TLE3: variants seen among roughly 807,000 people sequenced by gnomAD.
TLE3 encodes transducin-like enhancer protein 3.
TLE3 carries 14 observed loss-of-function variants against 93.0 expected under a neutral mutation model. The observed-to-expected ratio is 0.15, with a 90% CI of 0.10 to 0.24. The LOEUF is 0.24. Among genes scored for constraint, TLE3 ranks in the 10% least tolerant of loss-of-function variants. The probability of loss-of-function intolerance (pLI) is 1.00; values close to 1 mark genes in which losing one functional copy is unlikely to be tolerated. For missense variants in TLE3, 693 were observed against 1,046.6 expected (o/e 0.66, Z 4.66); for synonymous variants, 451 against 425.0 (o/e 1.06, Z -0.75).
intron 13 of TLE3, 80 bp downstream of exon 13, chr15:70,057,379 C>A: frequency 6.7e-7 from 1 of 1,485,036 alleles, no homozygotes; most frequent in Non-Finnish European, 9.0e-7. Context: ...GCCCCTTTAG[C>A]ATGTGGGGAG....
chr15:70,067,008 C>G, intron 6 of TLE3: 1 of 221,358 alleles, frequency 4.5e-6, no homozygotes, highest in Non-Finnish European at 1.0e-5. Flanking sequence ...GCTCATGGCG[C>G]ACAGCTACTA....
chr15:70,082,035 C>G (rs962504098), intron 4 of TLE3, among the ~76,000 whole-genome samples: 5 of 152,190 alleles, frequency 3.3e-5, no homozygotes, highest in African/African-American at 9.7e-5. Flanking sequence ...AATCCCAGAG[C>G]TGCAGGGAAA....
intron 6 of TLE3, among the ~76,000 whole-genome samples, chr15:70,072,264 C>T (rs1280899785): frequency 1.3e-5 from 2 of 152,208 alleles, no homozygotes; most frequent in African/African-American, 4.8e-5. Context: ...GCTTCTCCCC[C>T]AGTTTTACTC....
Position 70,053,410 on chromosome 15 carries a change from G to C in TLE3, c.1827-36C>G, listed in dbSNP as rs1186020455. ...CAAGCAGGGAGGAGGGTGAGTCCCG[G>C]GAACCACAGACTGCCAGGTGGCGGC... On this transcript the variant is annotated intron_variant, in intron 16 of 19. Transcript: ENST00000451782. 7.6e-6 allele frequency: 12 copies of C among 1,578,400 alleles called. No homozygotes were observed. The South Asian group carries it at 1.2e-4, about 15-fold the overall frequency.
intron 4 of TLE3, among the ~76,000 whole-genome samples, chr15:70,077,776 CAG>C (rs1246858249): frequency 2.0e-5 from 3 of 152,244 alleles, no homozygotes; most frequent in South Asian, 2.1e-4. Flanking sequence ...TCCTCAGGAA[CAG>C]AGTCAGTGTT....
intron 19 of TLE3, chr15:70,050,745 C>A: frequency 6.3e-6 from 1 of 157,526 alleles, no homozygotes; most frequent in South Asian, 1.9e-4. Flanking sequence ...AGAGAGAATG[C>A]AAGTGTGTGT....
Position 70,061,890 on chromosome 15 carries a change from G to A in TLE3, c.595-1241C>T, listed in dbSNP as rs760532895. Among the ~76,000 whole-genome samples the A allele has an allele frequency of 1.3e-4, 20 of 152,188 alleles. 1 individual carries two copies. The highest frequency in any genetic ancestry group is 3.9e-4 in the Admixed American group (6 of 15,280). On this transcript the variant is annotated intron_variant, in intron 8 of 19. Transcript: ENST00000451782. ...CCCCATGCAACACAGGAGGTCATAT[G>A]GAGACCCAGAGGGACATCTGTTCAG...
At chr15:70,056,044 G>A in intron 14 of TLE3, 5 of 573,504 alleles carry the variant, frequency 8.7e-6, no homozygotes, top group Non-Finnish European at 1.6e-5. Flanking sequence ...CAGCCCAGTG[G>A]CCATGTACTT....
intron 5 of TLE3, 32 bp downstream of exon 5, chr15:70,076,064 G>C: frequency 6.2e-7 from 1 of 1,608,918 alleles, no homozygotes; most frequent in East Asian, 2.2e-5. Context: ...GATTTGGAAA[G>C]AAAAGGAAGA....
intron 15 of TLE3, 141 bp downstream of exon 15, chr15:70,054,908 G>T: frequency 7.6e-7 from 1 of 1,315,422 alleles, no homozygotes; most frequent in African/African-American, 1.5e-5. Flanking sequence ...CACAACTGAG[G>T]CTCAGAGAGG....
At chr15:70,062,375 G>A (rs537660153) in intron 8 of TLE3, among the ~76,000 whole-genome samples, 121 of 152,306 alleles carry the variant, frequency 7.9e-4, no homozygotes, top group Middle Eastern at 6.8e-3. Context: ...CCTTGCAGGC[G>A]GGCGGGCAGG....
rs1052014253 is a variant in TLE3 at position 70,058,021 on chromosome 15, G to A, written c.1051+138C>T. ...TGGTGTCACCTCCTCAAATCTGACCGTGAAGTCCCCAGGGGCAGGCCCTGG... is the reference window on the plus strand; with the variant it reads ...TGGTGTCACCTCCTCAAATCTGACCATGAAGTCCCCAGGGGCAGGCCCTGG... On this transcript the variant is annotated intron_variant, in intron 12 of 19. Coordinates refer to ENST00000451782, the MANE Select transcript of TLE3 (RefSeq NM_001105192.3). The surrounding 1 kb of genome is among the most constrained non-coding windows in gnomAD (Gnocchi z 4.1). 301 of 1,366,986 alleles carry A rather than the reference G, an allele frequency of 2.2e-4. No homozygotes were observed. The highest frequency in any genetic ancestry group is 2.8e-4 in the South Asian group (20 of 70,258). The allele number at this position is 1,366,986 out of a possible 1,614,324, so 84.7% of individuals were successfully genotyped here.
At position 70,058,584 on chromosome 15, in the gene TLE3, TCTGC is replaced by T; in HGVS notation, c.918+75_918+78del. On this transcript the variant is annotated intron_variant, in intron 11 of 19. Transcript: ENST00000451782. The surrounding 1 kb of genome is among the most constrained non-coding windows in gnomAD (Gnocchi z 4.1). ...CACCCAGCTTCTCCCACTCCACCCC[TCTGC>T]CTGCCAATCGGCACCACCCCAGCTC... The T allele has an allele frequency of 6.7e-7, 1 of 1,492,598 alleles. No homozygotes were observed. Among genetic ancestry groups the T allele is most frequent in the South Asian group, 1.3e-5 (1 of 74,852 alleles). The allele number at this position is 1,492,598 out of a possible 1,614,324, so 92.5% of individuals were successfully genotyped here. A position where few individuals can be genotyped will look rare whatever the true frequency, so the allele number is the denominator to read the frequency against.
At position 70,067,639 on chromosome 15, in the gene TLE3, G is replaced by A. The variant is rs115620116; in HGVS notation, c.373-1421C>T. On this transcript the variant is annotated intron_variant, in intron 6 of 19. Transcript: ENST00000451782. ...TATGAGATGGTTTTCTGGCAACCGCGAACAGATAACAGAACACAGTGAAGG... is the reference window on the plus strand; with the variant it reads ...TATGAGATGGTTTTCTGGCAACCGCAAACAGATAACAGAACACAGTGAAGG... Among the ~76,000 whole-genome samples the A allele has an allele frequency of 6.0e-3, 910 of 152,320 alleles. 10 individuals carry two copies. The highest frequency in any genetic ancestry group is 0.021 in the African/African-American group (868 of 41,560).
At chr15:70,077,882 C>T (rs545976477) in intron 4 of TLE3, among the ~76,000 whole-genome samples, 78 of 152,318 alleles carry the variant, frequency 5.1e-4, no homozygotes, top group African/African-American at 1.8e-3. Flanking sequence ...TCAACAATGG[C>T]CCCCACTTCC....
In TLE3 at chr15:70,055,279, T is replaced by A; in HGVS notation, c.1348A>T (p.Ser450Cys). Residue 450 changes from serine to cysteine, a missense_variant, in exon 15 of 20, where the codon AGT becomes TGT. Coordinates refer to ENST00000451782, the MANE Select transcript of TLE3 (RefSeq NM_001105192.3). ...ACGGGCTGCATCTGCCCATCAGCAC[T>A]CACATGGAATGAGTACGCTCTGAAA... is the stretch of plus-strand genomic sequence containing the variant. ...GGKPAYSFHVSADGQMQPVPF... is the reference protein window; with the variant it reads ...GGKPAYSFHVCADGQMQPVPF... The A allele has an allele frequency of 6.3e-7, 1 of 1,592,480 alleles. No homozygotes were observed. Among genetic ancestry groups the A allele is most frequent in the Non-Finnish European group, 8.5e-7 (1 of 1,170,136 alleles).
rs1567071442 is a variant in TLE3 at position 70,097,817 on chromosome 15, A to ACC, written c.-1020_-1019insGG. ...GCGCGCACGCACACACACACACACCAAAAAAAAAAGTGCCCCGGACCTACG... is the reference window on the plus strand; with the variant it reads ...GCGCGCACGCACACACACACACACCACCAAAAAAAAAGTGCCCCGGACCTACG... On this transcript the variant is annotated 5_prime_UTR_variant, in exon 1 of 20. Transcript: ENST00000451782. 29 of 49,102 alleles carry ACC rather than the reference A, an allele frequency of 5.9e-4. No homozygotes were observed. Among genetic ancestry groups the ACC allele is most frequent in the South Asian group, 2.0e-3 (2 of 1,004 alleles). The allele number at this position is 49,102 out of a possible 1,614,324, so 3.0% of individuals were successfully genotyped here.
intron 4 of TLE3, among the ~76,000 whole-genome samples, chr15:70,082,886 G>C (rs1348805171): frequency 1.3e-5 from 2 of 152,158 alleles, no homozygotes; most frequent in Non-Finnish European, 2.9e-5. Context: ...GGGGTTGCTG[G>C]GGTTGGGACG....
chr15:70,067,457 C>T (rs1050066488), intron 6 of TLE3, among the ~76,000 whole-genome samples: 1 of 152,084 alleles, frequency 6.6e-6, no homozygotes, highest in African/African-American at 2.4e-5. Flanking sequence ...TGGCCAAATC[C>T]CACCACTAGT....
Sources: allele counts gnomAD v4.1 joint callset (sites outside exome capture counted in the v4.1 genomes callset), GRCh38; gene constraint gnomAD v4.1.1; non-coding constraint Gnocchi (gnomAD v3.1); transcripts MANE v1.5; gene names NCBI Gene and HGNC (gene_info 2026-07-23, HGNC 2026-07-21).